The following PLEKHM3 variants were observed in gnomAD, a reference collection of about 807,000 sequenced individuals.
PLEKHM3 encodes the protein pleckstrin homology domain containing M3.
In PLEKHM3, 45 loss-of-function variants were observed where a neutral mutation model predicts 81.8. The ratio of observed to expected loss-of-function variants is 0.55; its 90% CI spans 0.43 to 0.71. The LOEUF (loss-of-function observed/expected upper bound fraction) is 0.71, where lower values mean the gene tolerates loss of function less well. Among genes scored for constraint, PLEKHM3 ranks in the 30% least tolerant of loss-of-function variants. The pLI, the probability that PLEKHM3 is intolerant of heterozygous loss-of-function variation, is 0.00. For missense variants in PLEKHM3, 788 were observed against 924.3 expected, an observed-to-expected ratio of 0.85 and a Z score of 1.91; for synonymous variants, 352 against 356.4, an observed-to-expected ratio of 0.99 and a Z score of 0.14.
At chr2:207,927,752 C>T (rs1221078099) in intron 5 of PLEKHM3, among the ~76,000 whole-genome samples, 1 of 152,054 alleles carries the variant, frequency 6.6e-6, no homozygotes. Context: ...ATTGCTGGAA[C>T]CTGGGAGGCA....
intron 5 of PLEKHM3, among the ~76,000 whole-genome samples, chr2:207,911,684 A>G: frequency 6.6e-6 from 1 of 152,232 alleles, no homozygotes; most frequent in East Asian, 1.9e-4. Flanking sequence ...AATGCTTAAT[A>G]ATGAAATCCC....
In PLEKHM3 at chr2:208,024,844, C is replaced by T. The variant is rs1693273535; in HGVS notation, c.-319+545G>A. Among the ~76,000 whole-genome samples the T allele has an allele frequency of 2.0e-5, 3 of 152,290 alleles. No homozygotes were observed. In the South Asian group the frequency reaches 6.2e-4, roughly 32 times the overall value. On this transcript the variant is annotated intron_variant, in intron 1 of 7. Transcript: ENST00000427836. ...TCCAGACCAGTCTCAATTTGTCATC[C>T]AAATATATATCTCAGTAGTAATTTA... is the stretch of plus-strand genomic sequence containing the variant.
At chr2:208,022,701 A>G (rs890041887) in intron 1 of PLEKHM3, among the ~76,000 whole-genome samples, 5 of 152,222 alleles carry the variant, frequency 3.3e-5, no homozygotes, top group Admixed American at 2.0e-4. Flanking sequence ...AGTCTCTCCA[A>G]TTTCCCAGAC....
At chr2:207,963,749 T>G (rs1246340340) in intron 3 of PLEKHM3, among the ~76,000 whole-genome samples, 3 of 152,228 alleles carry the variant, frequency 2.0e-5, no homozygotes, top group Admixed American at 6.5e-5. Context: ...TAGACCCTGT[T>G]AGAACATCAT....
chr2:207,933,955 T>A (rs1488693617), intron 4 of PLEKHM3, among the ~76,000 whole-genome samples: 1 of 152,150 alleles, frequency 6.6e-6, no homozygotes, highest in Non-Finnish European at 1.5e-5. Flanking sequence ...GGTGAGGGAA[T>A]TTTTGAGAGA....
In PLEKHM3 at chr2:207,840,809, T is replaced by A. The variant is rs557630780; in HGVS notation, c.2109-12313A>T. 6.1e-3 allele frequency among the ~76,000 whole-genome samples: 876 copies of A among 144,556 alleles called. 9 individuals are homozygous for A. The highest frequency in any genetic ancestry group is 0.018 in the African/African-American group (702 of 39,556). 94.8% of individuals were successfully genotyped at this position (144,556 alleles called of 152,430 possible). A position where few individuals can be genotyped will look rare whatever the true frequency, so the allele number is the denominator to read the frequency against. ...TTTAACACTTTTTATGTTTTTTTTT[T>A]TTTTTTTTTTTTTGAGACAGAGTCT... On this transcript the variant is annotated intron_variant, in intron 7 of 7. Coordinates refer to ENST00000427836, the MANE Select transcript of PLEKHM3 (RefSeq NM_001080475.3).
Position 207,926,120 on chromosome 2 carries a change from T to C in PLEKHM3, c.1886+4806A>G, listed in dbSNP as rs145649427. ...CAATGTGTTATATGCCAAGTGGCAC[T>C]GGGTTTGGGGAGACAAACTAGAGCA... On this transcript the variant is annotated intron_variant, in intron 5 of 7. Coordinates refer to ENST00000427836, the MANE Select transcript of PLEKHM3 (RefSeq NM_001080475.3). Among the ~76,000 whole-genome samples, 731 of 152,274 alleles carry C rather than the reference T, an allele frequency of 4.8e-3. 4 individuals are homozygous for C. Among genetic ancestry groups the C allele is most frequent in the African/African-American group, 0.017 (686 of 41,560 alleles).
At chr2:207,881,576 A>G (rs1041983572) in intron 6 of PLEKHM3, among the ~76,000 whole-genome samples, 1 of 152,196 alleles carries the variant, frequency 6.6e-6, no homozygotes, top group South Asian at 2.1e-4. Context: ...TTCAGTAACT[A>G]TGTGTGCTTC....
Position 208,004,389 on chromosome 2 carries a change from G to C in PLEKHM3, c.-318-2432C>G, listed in dbSNP as rs984524255. On this transcript the variant is annotated intron_variant, in intron 1 of 7. Transcript: ENST00000427836. ...GCTGAGATCACGCCACTGCACTCCA[G>C]CCTGGGCAACAGAGCAATGCCCTGT... 2.3e-4 allele frequency among the ~76,000 whole-genome samples: 34 copies of C among 150,152 alleles called. 1 individual carries two copies. Among genetic ancestry groups the C allele is most frequent in the Non-Finnish European group, 7.4e-5 (5 of 67,680 alleles).
chr2:208,011,785 CTTTTTT>C (rs1177948830), intron 1 of PLEKHM3, among the ~76,000 whole-genome samples: 15 of 79,974 alleles, frequency 1.9e-4, no homozygotes, highest in East Asian at 6.5e-4. Flanking sequence ...CTCTGATAAA[CTTTTTT>C]TTTTTTTTTT....
At chr2:207,832,873 A>G (rs2092296227) in intron 7 of PLEKHM3, among the ~76,000 whole-genome samples, 1 of 151,784 alleles carries the variant, frequency 6.6e-6, no homozygotes, top group African/African-American at 2.4e-5. Flanking sequence ...GCACTTTGGG[A>G]GGCTGAGGTG....
intron 7 of PLEKHM3, among the ~76,000 whole-genome samples, chr2:207,848,269 C>T (rs2092395207): frequency 1.3e-5 from 2 of 152,210 alleles, no homozygotes. Flanking sequence ...AAACACTTAA[C>T]ATGAAAGTCT....
At chr2:207,831,481 G>C (rs1319959463) in intron 7 of PLEKHM3, among the ~76,000 whole-genome samples, 1 of 152,238 alleles carries the variant, frequency 6.6e-6, no homozygotes, top group East Asian at 1.9e-4. Flanking sequence ...CTTTGTAGCT[G>C]AGTGACAGTG....
chr2:207,999,335 C>T (rs1276391496), intron 2 of PLEKHM3, among the ~76,000 whole-genome samples: 1 of 151,804 alleles, frequency 6.6e-6, no homozygotes, highest in Non-Finnish European at 1.5e-5. Context: ...CTTTTCTTAG[C>T]CAGGCATGGT....
chr2:207,889,420 A>G (rs1446493457), intron 6 of PLEKHM3, among the ~76,000 whole-genome samples: 3 of 140,696 alleles, frequency 2.1e-5, no homozygotes, highest in African/African-American at 7.7e-5. Flanking sequence ...AAGAGCAGAC[A>G]GGAGGTTTTT....
intron 7 of PLEKHM3, among the ~76,000 whole-genome samples, chr2:207,859,148 T>TG (rs1321757313): frequency 6.7e-6 from 1 of 148,324 alleles, no homozygotes; most frequent in Non-Finnish European, 1.5e-5. Flanking sequence ...TTTTTTTTTT[T>TG]TTTTTTGAGA....
chr2:207,903,511 A>G (rs1326947562), intron 6 of PLEKHM3, among the ~76,000 whole-genome samples: 2 of 152,240 alleles, frequency 1.3e-5, no homozygotes, highest in Admixed American at 6.5e-5. Flanking sequence ...CAGAAGAGTT[A>G]GTCATTAATA....
chr2:207,829,298 G>A (rs182428539), intron 7 of PLEKHM3, among the ~76,000 whole-genome samples: 52 of 151,984 alleles, frequency 3.4e-4, no homozygotes, highest in African/African-American at 1.2e-3. Flanking sequence ...TTTGGAGATA[G>A]GGTCTCACTC....
chr2:207,923,897 A>ATATATATATC (rs1689283871), intron 5 of PLEKHM3, among the ~76,000 whole-genome samples: 1 of 83,636 alleles, frequency 1.2e-5, no homozygotes, highest in Non-Finnish European at 2.4e-5. Flanking sequence ...ATATATATAT[A>ATATATATATC]TATATATATT....
Sources: allele counts gnomAD v4.1 joint callset (sites outside exome capture counted in the v4.1 genomes callset), GRCh38; gene constraint gnomAD v4.1.1; transcripts MANE v1.5; gene names NCBI Gene and HGNC (gene_info 2026-07-23, HGNC 2026-07-21).